RBM28: variants seen among roughly 807,000 people sequenced by gnomAD.
The protein encoded by RBM28 is RNA binding motif protein 28.
RBM28 carries 78 observed loss-of-function variants against 98.3 expected under a neutral mutation model. That is an observed-to-expected ratio of 0.79 (90% CI 0.66 to 0.96). The LOEUF (loss-of-function observed/expected upper bound fraction) is 0.96. Among genes scored for constraint, RBM28 ranks in the 40% least tolerant of loss-of-function variants. The pLI is 0.00. For missense variants in RBM28, 838 were observed against 913.0 expected, an observed-to-expected ratio of 0.92 and a Z score of 1.06; for synonymous variants, 306 against 330.9, an observed-to-expected ratio of 0.92 and a Z score of 0.82.
intron 5 of RBM28, among the ~76,000 whole-genome samples, chr7:128,337,562 C>CTTA (rs1554403860): frequency 7.2e-6 from 1 of 139,822 alleles, no homozygotes; most frequent in Non-Finnish European, 1.5e-5. Flanking sequence ...GCAATAACTT[C>CTTA]TTTTTTTTTT....
chr7:128,321,319 T>C lies in RBM28; in HGVS notation c.1510A>G (p.Arg504Gly), dbSNP rs1186595977. ...CTAGTAGCACTCAGCAGCAGCTTTCTGAGCTGTTTGTCATCTACAGCCTTT... is the reference window on the plus strand; with the variant it reads ...CTAGTAGCACTCAGCAGCAGCTTTCCGAGCTGTTTGTCATCTACAGCCTTT... ...LPKAVDDKQL[R>G]KLLLSATSGE... The change falls in exon 14 of 19, where the codon AGA becomes GGA. Residue 504 changes from arginine to glycine, a missense_variant. By Grantham distance (125) the Arg-to-Gly change is moderately radical. Transcript: ENST00000223073. 1.2e-6 allele frequency: 2 copies of C among 1,614,248 alleles called. No individual in the cohort carries two copies. The highest frequency in any genetic ancestry group is 1.7e-6 in the Non-Finnish European group (2 of 1,180,042).
intron 16 of RBM28, among the ~76,000 whole-genome samples, chr7:128,316,980 G>A (rs371879629): frequency 7.0e-4 from 106 of 152,318 alleles, no homozygotes; most frequent in African/African-American, 2.5e-3. Flanking sequence ...AAGAATGACA[G>A]AGTCAAGAAT....
intron 1 of RBM28, among the ~76,000 whole-genome samples, chr7:128,342,584 A>G (rs1167606271): frequency 6.6e-6 from 1 of 152,184 alleles, no homozygotes; most frequent in Non-Finnish European, 1.5e-5. Context: ...TGGGAGGCTG[A>G]GGCAGGAGAA....
In RBM28 at chr7:128,299,007, T is replaced by A. The variant is rs1795746112; in HGVS notation, c.*11790A>T. The A allele has an allele frequency of 1.8e-5, 1 of 54,912 alleles. No individual in the cohort carries two copies. The allele number at this position is 54,912 out of a possible 1,614,324, so 3.4% of individuals were successfully genotyped here. ...CAGCCTGGGAGACAGAGTGAGACCC[T>A]CTCTCTCAAAAAAAAAAAAAAATGT... is the stretch of plus-strand genomic sequence containing the variant. On this transcript the variant is annotated 3_prime_UTR_variant, in exon 19 of 19. Coordinates refer to ENST00000223073, the MANE Select transcript of RBM28 (RefSeq NM_018077.3).
In RBM28 at chr7:128,307,759, C is replaced by T. The variant is rs914522497; in HGVS notation, c.*3038G>A. 6.6e-6 allele frequency: 1 copy of T among 152,202 alleles called. No homozygotes were observed. Among genetic ancestry groups the T allele is most frequent in the Non-Finnish European group, 1.5e-5 (1 of 68,046 alleles). 9.4% of individuals were successfully genotyped at this position (152,202 alleles called of 1,614,324 possible). A position where few individuals can be genotyped will look rare whatever the true frequency, so the allele number is the denominator to read the frequency against. On this transcript the variant is annotated 3_prime_UTR_variant, in exon 19 of 19. Coordinates refer to ENST00000223073, the MANE Select transcript of RBM28 (RefSeq NM_018077.3). The stretch of plus-strand genomic sequence containing the variant: ...TATATAATCAAGCAGGAAAATACTA[C>T]TAAAACTTGATAGTTTTGACTGGTG...
rs1795815388 is a variant in RBM28 at position 128,303,927 on chromosome 7, A to T, written c.*6870T>A. The T allele has an allele frequency of 6.6e-6, 1 of 152,218 alleles. No homozygotes were observed. The highest frequency in any genetic ancestry group is 1.5e-5 in the Non-Finnish European group (1 of 68,058). 9.4% of individuals were successfully genotyped at this position (152,218 alleles called of 1,614,324 possible). A position where few individuals can be genotyped will look rare whatever the true frequency, so the allele number is the denominator to read the frequency against. On this transcript the variant is annotated 3_prime_UTR_variant, in exon 19 of 19. Coordinates refer to ENST00000223073, the MANE Select transcript of RBM28 (RefSeq NM_018077.3). ...TGGAAAGTATTTAAGCATAAGGAAC[A>T]GAATAGTTTCGAGGGAAGGATAAGA...
At position 128,317,665 on chromosome 7, in the gene RBM28, G is replaced by T; in HGVS notation, c.1782C>A (p.Arg594=). The T allele has an allele frequency of 6.3e-7, 1 of 1,598,124 alleles. No homozygotes were observed. Among genetic ancestry groups the T allele is most frequent in the South Asian group, 1.1e-5 (1 of 90,734 alleles). The part of the protein sequence containing the change: ...KLKMKELRIQ[R]SLQKMRSKPA... The stretch of plus-strand genomic sequence containing the variant: ...GACCATTTAATTTCTGTACCAAGCT[G>T]CGCTGGATCCTTAATTCCTTCATTT... Residue 594 remains arginine (R), a synonymous_variant, in exon 16 of 19, where the codon CGC becomes CGA. Coordinates refer to ENST00000223073, the MANE Select transcript of RBM28 (RefSeq NM_018077.3).
Position 128,314,733 on chromosome 7 carries a change from T to C in RBM28, c.2045+31A>G, listed in dbSNP as rs760192713. On this transcript the variant is annotated intron_variant, in intron 17 of 18. Coordinates refer to ENST00000223073, the MANE Select transcript of RBM28 (RefSeq NM_018077.3). ...ACAAACCCGCTTAGAACCCACCCACTGTTCTGTGCTTCTGCCCTCCTGCAT... is the reference window on the plus strand; with the variant it reads ...ACAAACCCGCTTAGAACCCACCCACCGTTCTGTGCTTCTGCCCTCCTGCAT... 6.2e-6 allele frequency: 10 copies of C among 1,614,026 alleles called. No individual in the cohort carries two copies. In the Admixed American group the frequency reaches 1.5e-4, roughly 24 times the overall value.
chr7:128,313,192 G>A lies in RBM28; in HGVS notation c.2128C>T (p.Gln710Ter), dbSNP rs750354788. 6.2e-7 allele frequency: 1 copy of A among 1,613,976 alleles called. No homozygotes were observed. The highest frequency in any genetic ancestry group is 8.5e-7 in the Non-Finnish European group (1 of 1,179,912). ...QINQWKQEKQ[Q>*]LSSEQVSRKK... is the part of the protein sequence containing the mutation. ...GAACTCACCTGCTCGGACGATAATT[G>A]CTGCTTCTCCTGCTTCCACTGGTTT... Residue 710 changes from glutamine to a stop codon, truncating the protein, a stop_gained, in exon 18 of 19, where the codon CAA becomes TAA. Transcript: ENST00000223073. LOFTEE classifies it high-confidence loss of function.
At chr7:128,334,996 C>T (rs1796566250) in intron 8 of RBM28, among the ~76,000 whole-genome samples, 2 of 152,154 alleles carry the variant, frequency 1.3e-5, no homozygotes, top group Admixed American at 6.5e-5. Flanking sequence ...AGAGCTGCAC[C>T]CAAAATGAAT....
At chr7:128,316,222 T>TA (rs904571673) in intron 16 of RBM28, among the ~76,000 whole-genome samples, 43 of 151,856 alleles carry the variant, frequency 2.8e-4, no homozygotes, top group Non-Finnish European at 5.2e-4. Context: ...TAAACCAAAG[T>TA]AAAAAAAACT....
rs770358935 is a variant in RBM28 at position 128,330,815 on chromosome 7, A to G, written c.1129+4T>C. 5 of 1,610,400 alleles carry G rather than the reference A, an allele frequency of 3.1e-6. No homozygotes were observed. The highest frequency in any genetic ancestry group is 4.2e-6 in the Non-Finnish European group (5 of 1,176,642). On this transcript the variant is annotated splice_donor_region_variant and intron_variant, in intron 10 of 18. Coordinates refer to ENST00000223073, the MANE Select transcript of RBM28 (RefSeq NM_018077.3). ...TTAGGGCCTGGCCAGCTGACAACAC[A>G]TACCTTTAGAATGCTCTGTGTCTGG...
rs13308097 is a variant in RBM28 at position 128,300,530 on chromosome 7, C to A, written c.*10267G>T. ...GCGAGCTATCTTGAGCCTGACTTTT[C>A]TGATCCTTCAATGAGCATGCTAACA... On this transcript the variant is annotated 3_prime_UTR_variant, in exon 19 of 19. Transcript: ENST00000223073. 0.3 allele frequency: 45,644 copies of A among 151,884 alleles called. 8,066 individuals are homozygous for A. Among genetic ancestry groups the A allele is most frequent in the East Asian group, 0.61 (3,116 of 5,098 alleles). The allele number at this position is 151,884 out of a possible 1,614,324, so 9.4% of individuals were successfully genotyped here.
intron 14 of RBM28, among the ~76,000 whole-genome samples, chr7:128,320,248 GAAAT>G (rs1562951220): frequency 1.9e-5 from 1 of 53,832 alleles, no homozygotes. Context: ...AAGAAAGAAA[GAAAT>G]TAGCCAGGCA....
At position 128,298,200 on chromosome 7, in the gene RBM28, G is replaced by C. The variant is rs1485905078; in HGVS notation, c.*12597C>G. ...TATCAGTAGTTCTGTTTTGCCTTTT[G>C]TCTTGTTTCCTCAGAAGCATGTGAT... On this transcript the variant is annotated 3_prime_UTR_variant, in exon 19 of 19. Transcript: ENST00000223073. 1 of 151,924 alleles carries C rather than the reference G, an allele frequency of 6.6e-6. No homozygotes were observed. Among genetic ancestry groups the C allele is most frequent in the Non-Finnish European group, 1.5e-5 (1 of 67,994 alleles). The allele number at this position is 151,924 out of a possible 1,614,324, so 9.4% of individuals were successfully genotyped here.
rs935158750 is a variant in RBM28, at chr7:128,303,968, G to A, written c.*6829C>T. The A allele has an allele frequency of 1.3e-5, 2 of 152,190 alleles. No individual in the cohort carries two copies. Among genetic ancestry groups the A allele is most frequent in the African/African-American group, 2.4e-5 (1 of 41,448 alleles). The allele number at this position is 152,190 out of a possible 1,614,324, so 9.4% of individuals were successfully genotyped here. A position where few individuals can be genotyped will look rare whatever the true frequency, so the allele number is the denominator to read the frequency against. ...AAGGATAAGAAAGAGAGTCGGGAAGGCTGGGCAGAACACTACTTGGACAAC... is the reference window on the plus strand; with the variant it reads ...AAGGATAAGAAAGAGAGTCGGGAAGACTGGGCAGAACACTACTTGGACAAC... On this transcript the variant is annotated 3_prime_UTR_variant, in exon 19 of 19. Transcript: ENST00000223073.
chr7:128,325,186 G>A (rs1415638468), intron 11 of RBM28, among the ~76,000 whole-genome samples: 1 of 152,132 alleles, frequency 6.6e-6, no homozygotes, highest in African/African-American at 2.4e-5. Context: ...GGATCACTGG[G>A]CCTCACAATA....
chr7:128,343,786 C>T lies in RBM28; in HGVS notation c.8G>A (p.Gly3Asp). The T allele has an allele frequency of 6.2e-7, 1 of 1,600,066 alleles. No homozygotes were observed. The highest frequency in any genetic ancestry group is 8.5e-7 in the Non-Finnish European group (1 of 1,173,168). MA[G>D]LTLFVGRLPP... Reference sequence around the variant, plus strand: ...GAGGCGGCCCACAAATAAGGTCAGGCCGGCCATGAGACCGGGAAACCCAAA... The same window carrying T: ...GAGGCGGCCCACAAATAAGGTCAGGTCGGCCATGAGACCGGGAAACCCAAA... The change falls in exon 1 of 19, where the codon GGC (glycine) becomes GAC (aspartate). Residue 3 changes from glycine (G) to aspartate (D), a missense_variant. Coordinates refer to ENST00000223073, the MANE Select transcript of RBM28 (RefSeq NM_018077.3).
chr7:128,342,002 T>C (rs1238656258), intron 1 of RBM28, among the ~76,000 whole-genome samples: 1 of 152,056 alleles, frequency 6.6e-6, no homozygotes, highest in African/African-American at 2.4e-5. Context: ...ACAAAAAATA[T>C]TCAAAAATTG....
Sources: gnomAD v4.1 joint callset for allele counts (sites outside exome capture counted in the v4.1 genomes callset) on GRCh38, gnomAD v4.1.1 for gene constraint, MANE v1.5 for transcripts, NCBI Gene and HGNC (gene_info 2026-07-23, HGNC 2026-07-21) for gene names.